JPH2: variants seen among roughly 807,000 people sequenced by gnomAD.
The protein encoded by JPH2 is junctophilin-2.
A neutral mutation model predicts 55.9 loss-of-function variants in JPH2; 38 were observed. The observed-to-expected ratio is 0.68, with a 90% CI of 0.52 to 0.89. The LOEUF is 0.89. JPH2 is among the 40% of genes least tolerant of loss of function. JPH2 has a pLI of 0.00. For synonymous variants in JPH2, 480 were observed against 472.4 expected (o/e 1.02, Z -0.21); for missense variants, 964 against 1,037.6 (o/e 0.93, Z 0.97).
rs753073876 is a variant in JPH2, at chr20:44,186,343, C to T, written c.363G>A (p.Glu121=). 5.0e-6 allele frequency: 8 copies of T among 1,611,790 alleles called. No individual in the cohort carries two copies. In the South Asian group the frequency reaches 5.5e-5, roughly 11 times the overall value. Residue 121 remains glutamate (E), a synonymous_variant, in exon 1 of 6, where the codon GAG becomes GAA. Coordinates refer to ENST00000372980, the MANE Select transcript of JPH2 (RefSeq NM_020433.5). ...NNGLQDGYGT[E]TYADGGTYQG... is the part of the protein sequence containing the mutation. Reference sequence around the variant, plus strand: ...TGGCCTCACCTCCATCAGCATAGGTCTCGGTGCCATAGCCGTCTTGCAGGC... The same window carrying T: ...TGGCCTCACCTCCATCAGCATAGGTTTCGGTGCCATAGCCGTCTTGCAGGC...
Position 44,159,783 on chromosome 20 carries a change from T to G in JPH2, c.1004A>C (p.His335Pro), listed in dbSNP as rs765561526. 1.2e-6 allele frequency: 2 copies of G among 1,613,222 alleles called. No individual in the cohort carries two copies. Among genetic ancestry groups the G allele is most frequent in the South Asian group, 2.2e-5 (2 of 91,080 alleles). Residue 335 changes from histidine to proline, a missense_variant, in exon 2 of 6, where the codon CAC (histidine) becomes CCC (proline). Physicochemically the swap from His to Pro is moderately conservative, Grantham distance 77 (BLOSUM62 -2). Coordinates refer to ENST00000372980, the MANE Select transcript of JPH2 (RefSeq NM_020433.5). This position sits in a 1 kb window ranked among gnomAD's most constrained non-coding sequence, Gnocchi z 5.7. ...GTGGCGGTACTTGCCCTCCTCGCGG[T>G]GGCCGTCGGGCAGCGTGGTGCAGCC... Reference protein sequence around the residue: ...GYGCTTLPDGHREEGKYRHNV... With the variant: ...GYGCTTLPDGPREEGKYRHNV...
chr20:44,184,570 A>G (rs1236484602), intron 1 of JPH2, among the ~76,000 whole-genome samples: 1 of 152,098 alleles, frequency 6.6e-6, no homozygotes, highest in East Asian at 1.9e-4. Flanking sequence ...AGCAGTACTG[A>G]TATTCTAAAG....
intron 1 of JPH2, among the ~76,000 whole-genome samples, chr20:44,166,477 C>A (rs914192645): frequency 2.8e-4 from 43 of 152,344 alleles, no homozygotes; most frequent in Non-Finnish European, 5.0e-4. Flanking sequence ...ACCAACCTAC[C>A]TTTAGCTTCA....
intron 1 of JPH2, among the ~76,000 whole-genome samples, chr20:44,164,514 G>A (rs2072639947): frequency 6.6e-6 from 1 of 152,196 alleles, no homozygotes; most frequent in Non-Finnish European, 1.5e-5. Context: ...TGAAGTGCTA[G>A]AAAAGAGAGT....
chr20:44,166,386 G>A (rs1349992691), intron 1 of JPH2, among the ~76,000 whole-genome samples: 1 of 152,246 alleles, frequency 6.6e-6, no homozygotes, highest in Admixed American at 6.5e-5. Flanking sequence ...TGAACAGGCA[G>A]AGAGCAGAGA....
intron 1 of JPH2, among the ~76,000 whole-genome samples, chr20:44,184,895 G>T (rs946541309): frequency 3.3e-5 from 5 of 152,202 alleles, no homozygotes; most frequent in Non-Finnish European, 5.9e-5. Flanking sequence ...GTACATACTT[G>T]TGTATAATGT....
intron 1 of JPH2, chr20:44,177,119 GAA>G: frequency 1.0e-6 from 1 of 985,610 alleles, no homozygotes; most frequent in Non-Finnish European, 1.2e-6. Flanking sequence ...AGCAGGGAGT[GAA>G]AGTTACACGG....
rs1437437924 is a variant in JPH2, at chr20:44,118,492, T to C, written c.1288+13A>G. Reference sequence around the variant, plus strand: ...TAGCCCTACCCTGCCCATCCTTCCCTGGCTGGCCCTACCTGGCTGGTAGAA... The same window carrying C: ...TAGCCCTACCCTGCCCATCCTTCCCCGGCTGGCCCTACCTGGCTGGTAGAA... On this transcript the variant is annotated intron_variant, in intron 3 of 5. Coordinates refer to ENST00000372980, the MANE Select transcript of JPH2 (RefSeq NM_020433.5). 2 of 1,603,446 alleles carry C rather than the reference T, an allele frequency of 1.2e-6. No individual in the cohort carries two copies. Among genetic ancestry groups the C allele is most frequent in the Middle Eastern group, 3.3e-4 (2 of 6,026 alleles).
chr20:44,146,691 A>G (rs1443967099), intron 2 of JPH2, among the ~76,000 whole-genome samples: 3 of 152,218 alleles, frequency 2.0e-5, no homozygotes, highest in African/African-American at 7.2e-5. Flanking sequence ...GGACAGACAT[A>G]GCCTCTGTGG....
intron 2 of JPH2, among the ~76,000 whole-genome samples, chr20:44,121,128 T>C (rs1352606441): frequency 1.3e-5 from 2 of 152,192 alleles, no homozygotes; most frequent in East Asian, 3.8e-4. Flanking sequence ...GGAGGTGGGC[T>C]GGTCAGGAAA....
At position 44,159,610 on chromosome 20, in the gene JPH2, T is replaced by C. The variant is rs1172047219; in HGVS notation, c.1169+8A>G. On this transcript the variant is annotated splice_region_variant and intron_variant, in intron 2 of 5. Transcript: ENST00000372980. This position sits in a 1 kb window ranked among gnomAD's most constrained non-coding sequence, Gnocchi z 5.7. The stretch of plus-strand genomic sequence containing the variant: ...GGCGACCCCTTCCCACCCCCACCGC[T>C]GTCCTACCTGGAGGCGGCAATCTCG... The C allele has an allele frequency of 4.4e-6, 7 of 1,598,826 alleles. No individual in the cohort carries two copies. The highest frequency in any genetic ancestry group is 2.2e-5 in the East Asian group (1 of 44,702).
intron 2 of JPH2, among the ~76,000 whole-genome samples, chr20:44,142,026 T>G (rs1449246100): frequency 6.6e-6 from 1 of 152,200 alleles, no homozygotes; most frequent in East Asian, 1.9e-4. Flanking sequence ...GAATGACCAC[T>G]TGGCAGGACG....
rs1476206938 is a variant in JPH2 at position 44,183,841 on chromosome 20, G to A, written c.379+2486C>T. Among the ~76,000 whole-genome samples, 3 of 152,294 alleles carry A rather than the reference G, an allele frequency of 2.0e-5. No homozygotes were observed. In the East Asian group the frequency reaches 5.8e-4, roughly 29 times the overall value. On this transcript the variant is annotated intron_variant, in intron 1 of 5. Transcript: ENST00000372980. ...GAGTGATGATTCAAAACTGCAGCCA[G>A]CAAACTTTCGCTGGAAAGAGTCAGG...
intron 1 of JPH2, among the ~76,000 whole-genome samples, chr20:44,182,597 G>A (rs2072794085): frequency 6.6e-6 from 1 of 152,172 alleles, no homozygotes; most frequent in Non-Finnish European, 1.5e-5. Flanking sequence ...GCCCAGCACT[G>A]CCTCGGGGCC....
At chr20:44,132,059 CAA>C (rs1263798720) in intron 2 of JPH2, among the ~76,000 whole-genome samples, 1 of 152,128 alleles carries the variant, frequency 6.6e-6, no homozygotes. Flanking sequence ...AGATTGGAAA[CAA>C]AGCCAAGTCC....
intron 1 of JPH2, among the ~76,000 whole-genome samples, chr20:44,166,186 G>T (rs892907344): frequency 2.6e-5 from 4 of 152,278 alleles, no homozygotes; most frequent in Non-Finnish European, 4.4e-5. Context: ...ACAGCTCTGT[G>T]GAAATGACAG....
At chr20:44,146,249 G>A (rs2072493819) in intron 2 of JPH2, among the ~76,000 whole-genome samples, 1 of 151,972 alleles carries the variant, frequency 6.6e-6, no homozygotes, top group East Asian at 1.9e-4. Flanking sequence ...TAGCCAGGAT[G>A]GTCTCGATCT....
intron 1 of JPH2, among the ~76,000 whole-genome samples, chr20:44,179,493 T>C (rs1450634480): frequency 6.6e-6 from 1 of 152,202 alleles, no homozygotes. Context: ...GTCTGGTACA[T>C]AGTAAAGGCA....
intron 1 of JPH2, among the ~76,000 whole-genome samples, chr20:44,162,788 ACAC>A (rs2072623795): frequency 2.5e-5 from 1 of 40,610 alleles, no homozygotes; most frequent in Non-Finnish European, 4.7e-5. Context: ...ATATATATAT[ACAC>A]ACACACACAC....
Sources: gnomAD v4.1 joint callset for allele counts (sites outside exome capture counted in the v4.1 genomes callset) on GRCh38, gnomAD v4.1.1 for gene constraint, Gnocchi (gnomAD v3.1) non-coding constraint, MANE v1.5 for transcripts, NCBI Gene and HGNC (gene_info 2026-07-23, HGNC 2026-07-21) for gene names.